C21orf58: variants seen among roughly 807,000 people sequenced by gnomAD.
C21orf58 encodes uncharacterized protein C21orf58.
C21orf58 carries 34 observed loss-of-function variants against 35.8 expected under a neutral mutation model. The ratio of observed to expected loss-of-function variants is 0.95; its 90% CI spans 0.72 to 1.26. The LOEUF (loss-of-function observed/expected upper bound fraction) is 1.26, where lower values mean the gene tolerates loss of function less well. Ranked by LOEUF, C21orf58 falls within the 50% of genes most tolerant of loss-of-function variation. The probability of loss-of-function intolerance (pLI) is 0.00; values close to 1 mark genes in which losing one functional copy is unlikely to be tolerated. For synonymous variants in C21orf58, 191 were observed against 175.8 expected (o/e 1.09, Z -0.68); for missense variants, 440 against 414.3 (o/e 1.06, Z -0.54).
intron 4 of C21orf58, chr21:46,315,231 C>G (rs2082928286): frequency 3.3e-6 from 2 of 599,598 alleles, no homozygotes; most frequent in Admixed American, 3.0e-5. Flanking sequence ...GCCGTGGGAG[C>G]AAACCTCCAG....
In C21orf58 at chr21:46,315,097, T is replaced by C. The variant is rs781487301; in HGVS notation, c.445-217A>G. The C allele has an allele frequency of 2.5e-4, 343 of 1,361,406 alleles. 1 individual carries two copies. Among genetic ancestry groups the C allele is most frequent in the Admixed American group, 3.1e-4 (12 of 39,338 alleles). The allele number at this position is 1,361,406 out of a possible 1,614,324, so 84.3% of individuals were successfully genotyped here. ...AGCTAGTTTCCAGTTGTTTTCTTTT[T>C]CCAGCCCCAGGGTCTGTTCTCTCTT... On this transcript the variant is annotated intron_variant, in intron 4 of 7. Coordinates refer to ENST00000291691, the MANE Select transcript of C21orf58 (RefSeq NM_058180.5).
chr21:46,311,487 G>GA lies in C21orf58; in HGVS notation c.689dup (p.Thr232TyrfsTer8), dbSNP rs1365394404. On this transcript the variant is annotated frameshift_variant, in exon 6 of 8. Transcript: ENST00000291691. LOFTEE classifies it high-confidence loss of function. Reference sequence around the variant, plus strand: ...TAATACTTCCTGACCGTTGAGTAGGGAAGGCCTGGGGAGGAGGAATCTGTG... The same window carrying GA: ...TAATACTTCCTGACCGTTGAGTAGGGAAAGGCCTGGGGAGGAGGAATCTGTG... The GA allele has an allele frequency of 6.2e-7, 1 of 1,609,758 alleles. No homozygotes were observed. The highest frequency in any genetic ancestry group is 1.7e-5 in the Admixed American group (1 of 59,658).
intron 3 of C21orf58, 52 bp downstream of exon 3, chr21:46,317,156 G>C: frequency 6.4e-7 from 1 of 1,566,370 alleles, no homozygotes; most frequent in South Asian, 1.1e-5. Context: ...CCCCTGGAGT[G>C]GCTACACTTG....
chr21:46,303,731 A>ATT (rs2082256070), intron 6 of C21orf58, among the ~76,000 whole-genome samples: 1 of 28,432 alleles, frequency 3.5e-5, no homozygotes. Context: ...ATATATATAT[A>ATT]TATATATATA....
chr21:46,321,106 C>T (rs1032955452), intron 1 of C21orf58, among the ~76,000 whole-genome samples: 1 of 152,096 alleles, frequency 6.6e-6, no homozygotes, highest in African/African-American at 2.4e-5. Context: ...GGAGATCCCA[C>T]ATACCACATG....
intron 1 of C21orf58, chr21:46,322,318 G>T: frequency 2.8e-6 from 1 of 355,770 alleles, no homozygotes; most frequent in Non-Finnish European, 3.9e-6. Context: ...ACTGAAATAA[G>T]ACCCAAGTCC....
At chr21:46,313,386 C>T (rs796631686) in intron 5 of C21orf58, among the ~76,000 whole-genome samples, 38 of 152,340 alleles carry the variant, frequency 2.5e-4, no homozygotes, top group African/African-American at 8.7e-4. Context: ...ACCCCTGGCA[C>T]AGACCCATGA....
intron 6 of C21orf58, among the ~76,000 whole-genome samples, chr21:46,307,644 A>G (rs771465419): frequency 2.0e-5 from 3 of 152,208 alleles, no homozygotes; most frequent in Non-Finnish European, 4.4e-5. Context: ...TGTGGGTTAC[A>G]TGGCCGTCCT....
At chr21:46,315,376 G>A (rs908510686) in intron 4 of C21orf58, 98 bp downstream of exon 4, 3 of 799,128 alleles carry the variant, frequency 3.8e-6, no homozygotes, top group African/African-American at 1.7e-5. Context: ...GTCTGGAAAG[G>A]TCTTCCCTAA....
intron 6 of C21orf58, 36 bp downstream of exon 6, chr21:46,311,420 C>T: frequency 4.7e-6 from 6 of 1,283,394 alleles, no homozygotes; most frequent in African/African-American, 1.5e-5. Flanking sequence ...TAGATAATTT[C>T]CTCAACCCAC....
chr21:46,321,487 A>T (rs2083154278), intron 1 of C21orf58, among the ~76,000 whole-genome samples: 1 of 152,162 alleles, frequency 6.6e-6, no homozygotes, highest in African/African-American at 2.4e-5. Context: ...CATTACATTG[A>T]GTTATGTGTC....
chr21:46,301,237 G>T lies in C21orf58; in HGVS notation c.*762C>A. ...GCTCACTGCAGCTTCTAACTCCTGG[G>T]CTCAAGCAATCCTCCCACCTCAGCC... On this transcript the variant is annotated 3_prime_UTR_variant, in exon 8 of 8. Coordinates refer to ENST00000291691, the MANE Select transcript of C21orf58 (RefSeq NM_058180.5). 1 of 324,586 alleles carries T rather than the reference G, an allele frequency of 3.1e-6. No individual in the cohort carries two copies. Among genetic ancestry groups the T allele is most frequent in the Non-Finnish European group, 4.4e-6 (1 of 225,838 alleles). 20.1% of individuals were successfully genotyped at this position (324,586 alleles called of 1,614,324 possible).
chr21:46,309,989 C>G (rs958463663), intron 6 of C21orf58, among the ~76,000 whole-genome samples: 1 of 152,026 alleles, frequency 6.6e-6, no homozygotes, highest in African/African-American at 2.4e-5. Flanking sequence ...AGGCAAGACT[C>G]TGTCTCAAAA....
At chr21:46,319,801 G>A (rs1328787985) in intron 1 of C21orf58, among the ~76,000 whole-genome samples, 1 of 152,056 alleles carries the variant, frequency 6.6e-6, no homozygotes, top group African/African-American at 2.4e-5. Context: ...GGAGGCTGAG[G>A]CAGGAGAATT....
chr21:46,315,674 G>T, intron 3 of C21orf58, 127 bp from the exon 4 acceptor site: 1 of 687,274 alleles, frequency 1.5e-6, no homozygotes, highest in Non-Finnish European at 2.7e-6. Context: ...GATGGGGGAG[G>T]CCTGGGAGGA....
Position 46,322,665 on chromosome 21 carries a change from G to A in C21orf58, c.74C>T (p.Pro25Leu). 6.3e-7 allele frequency: 1 copy of A among 1,594,180 alleles called. No individual in the cohort carries two copies. The highest frequency in any genetic ancestry group is 8.5e-7 in the Non-Finnish European group (1 of 1,170,054). Residue 25 changes from proline to leucine, a missense_variant, in exon 1 of 8, where the codon CCT becomes CTT. Pro to Leu is a moderately conservative substitution (Grantham distance 98, BLOSUM62 -3). Coordinates refer to ENST00000291691, the MANE Select transcript of C21orf58 (RefSeq NM_058180.5). The stretch of plus-strand genomic sequence containing the variant: ...ACACAGAAGACTGTGGCCTGAGTCA[G>A]GAGAAGGAAGTTTCTGGCGGTCGAG... The part of the protein sequence containing the change: ...WKLDRQKLPS[P>L]DSGHSLLCGW...
At chr21:46,316,193 C>G (rs550635396) in intron 3 of C21orf58, among the ~76,000 whole-genome samples, 4 of 152,078 alleles carry the variant, frequency 2.6e-5, no homozygotes, top group South Asian at 4.2e-4. Flanking sequence ...CAGTGAGTCA[C>G]ACCTATAATC....
At chr21:46,319,961 CCA>C (rs1202991293) in intron 1 of C21orf58, among the ~76,000 whole-genome samples, 2 of 151,990 alleles carry the variant, frequency 1.3e-5, no homozygotes, top group African/African-American at 2.4e-5. Flanking sequence ...TGGCTCTTGT[CCA>C]CAGTCATTAA....
chr21:46,317,956 C>T, intron 2 of C21orf58, 56 bp downstream of exon 2: 1 of 1,589,964 alleles, frequency 6.3e-7, no homozygotes, highest in Non-Finnish European at 8.6e-7. Context: ...AAGAGTCCCT[C>T]CAACGCCACA....
Sources: gnomAD v4.1 joint callset for allele counts (sites outside exome capture counted in the v4.1 genomes callset) on GRCh38, gnomAD v4.1.1 for gene constraint, MANE v1.5 for transcripts, NCBI Gene and HGNC (gene_info 2026-07-23, HGNC 2026-07-21) for gene names.